The following ANXA1 variants were observed in gnomAD, a reference collection of about 807,000 sequenced individuals.
ANXA1 encodes annexin A1.
A neutral mutation model predicts 47.9 loss-of-function variants in ANXA1; 39 were observed. The observed-to-expected ratio is 0.81, with a 90% confidence interval of 0.63 to 1.06. The LOEUF is 1.06. ANXA1 is among the 50% of genes least tolerant of loss of function. ANXA1 has a pLI of 0.00. For missense variants in ANXA1, 446 were observed against 422.7 expected, an observed-to-expected ratio of 1.06 and a Z score of -0.48; for synonymous variants, 146 against 142.5, an observed-to-expected ratio of 1.02 and a Z score of -0.17.
Position 73,160,340 on chromosome 9 carries a change from G to A in ANXA1, c.348G>A (p.Ala116=), listed in dbSNP as rs774051268. 13 of 1,585,126 alleles carry A rather than the reference G, an allele frequency of 8.2e-6. No individual in the cohort carries two copies. Among genetic ancestry groups the A allele is most frequent in the African/African-American group, 1.4e-5 (1 of 72,722 alleles). ...TTTTAGCTCTGCTAAAAACTCCAGC[G>A]CAATTTGATGCTGATGAACTTCGTG... ...EVVLALLKTP[A]QFDADELRAA... Residue 116 remains alanine (A), a synonymous_variant, in exon 5 of 13, where the codon GCG becomes GCA. Coordinates refer to ENST00000257497, the MANE Select transcript of ANXA1 (RefSeq NM_000700.3).
intron 8 of ANXA1, among the ~76,000 whole-genome samples, chr9:73,164,064 A>G (rs1824187794): frequency 6.6e-6 from 1 of 152,158 alleles, no homozygotes; most frequent in Admixed American, 6.6e-5. Flanking sequence ...TATATGCCAA[A>G]CCACTGGCAA....
intron 1 of ANXA1, among the ~76,000 whole-genome samples, chr9:73,157,491 T>C (rs1393941307): frequency 6.6e-6 from 1 of 151,532 alleles, no homozygotes; most frequent in African/African-American, 2.4e-5. Flanking sequence ...CTGTCTCTAC[T>C]AAAAATACAA....
chr9:73,166,233 T>C (rs1419107979), intron 10 of ANXA1, 41 bp downstream of exon 10: 1 of 1,448,966 alleles, frequency 6.9e-7, no homozygotes, highest in Admixed American at 1.9e-5. Flanking sequence ...TAACTAGAAA[T>C]TGTATTTTCA....
intron 1 of ANXA1, chr9:73,158,237 G>A (rs1824079626): frequency 5.9e-6 from 2 of 337,752 alleles, no homozygotes; most frequent in Non-Finnish European, 1.1e-5. Flanking sequence ...TCTTCAGCCT[G>A]TGTGCTTACT....
chr9:73,158,409 G>A, intron 1 of ANXA1, 113 bp from the exon 2 acceptor site: 1 of 776,040 alleles, frequency 1.3e-6, no homozygotes, highest in Non-Finnish European at 2.1e-6. Context: ...ATCCTGGAAA[G>A]TAAGCGCAAG....
intron 7 of ANXA1, 107 bp downstream of exon 7, chr9:73,162,968 G>A: frequency 1.1e-6 from 1 of 929,460 alleles, no homozygotes; most frequent in Non-Finnish European, 1.6e-6. Context: ...AATTTTTAAA[G>A]ATAAAAAGGT....
chr9:73,163,327 G>A (rs41277891), intron 7 of ANXA1, 149 bp from the exon 8 acceptor site: 654 of 720,426 alleles, frequency 9.1e-4, no homozygotes, highest in Non-Finnish European at 1.3e-3. Context: ...ACCATCGCAA[G>A]TAAAATCTTG....
At chr9:73,160,215 T>C in intron 4 of ANXA1, 48 bp from the exon 5 acceptor site, 1 of 1,348,634 alleles carries the variant, frequency 7.4e-7, no homozygotes, top group Non-Finnish European at 1.0e-6. Flanking sequence ...TTTTTTAACC[T>C]AGCATGTTAC....
intron 1 of ANXA1, among the ~76,000 whole-genome samples, chr9:73,156,121 TAATA>T (rs1554673366): frequency 1.4e-5 from 2 of 140,114 alleles, no homozygotes; most frequent in South Asian, 2.1e-4. Flanking sequence ...ATAATAATAA[TAATA>T]AATAAATAAT....
At chr9:73,158,398 G>C in intron 1 of ANXA1, 124 bp from the exon 2 acceptor site, 1 of 708,872 alleles carries the variant, frequency 1.4e-6, no homozygotes, top group South Asian at 1.8e-5. Flanking sequence ...AAGTGTAATT[G>C]ATCCTGGAAA....
intron 1 of ANXA1, among the ~76,000 whole-genome samples, chr9:73,154,924 G>A (rs950318191): frequency 6.6e-6 from 1 of 152,172 alleles, no homozygotes; most frequent in Non-Finnish European, 1.5e-5. Flanking sequence ...AACTCTGATA[G>A]TTCTAGATTG....
intron 1 of ANXA1, among the ~76,000 whole-genome samples, chr9:73,156,166 TA>T (rs1356462327): frequency 2.1e-5 from 3 of 140,102 alleles, no homozygotes; most frequent in Non-Finnish European, 3.0e-5. Context: ...AATAAATAAA[TA>T]AATAAAATAA....
intron 1 of ANXA1, among the ~76,000 whole-genome samples, chr9:73,152,284 G>T (rs181806811): frequency 6.6e-6 from 1 of 152,112 alleles, no homozygotes. Flanking sequence ...CTTCCCAAGA[G>T]CTGTGTGTTT....
intron 1 of ANXA1, 37 bp downstream of exon 1, chr9:73,151,961 T>C (rs1225027855): frequency 6.6e-6 from 1 of 152,198 alleles, no homozygotes; most frequent in Non-Finnish European, 1.5e-5. Flanking sequence ...GTTTTGGTTG[T>C]TTTGAAAACT....
chr9:73,169,192 A>C, intron 12 of ANXA1, 38 bp downstream of exon 12: 2 of 1,557,594 alleles, frequency 1.3e-6, no homozygotes, highest in Non-Finnish European at 8.6e-7. Flanking sequence ...CCAACAAATG[A>C]AAGTTCTTTT....
intron 1 of ANXA1, chr9:73,158,317 G>A (rs1824081198): frequency 2.0e-6 from 1 of 499,368 alleles, no homozygotes; most frequent in African/African-American, 1.9e-5. Context: ...TCAGAGAGGA[G>A]GGTATGGTTT....
chr9:73,155,654 A>G (rs1301199025), intron 1 of ANXA1, among the ~76,000 whole-genome samples: 1 of 152,110 alleles, frequency 6.6e-6, no homozygotes, highest in Non-Finnish European at 1.5e-5. Flanking sequence ...ATCTTTGCTA[A>G]GAGCTGGTGG....
rs571324236 is a variant in ANXA1, at chr9:73,166,205, G to T, written c.802+13G>T. ...CTCACAGCTATCGGTATGTAGTCCA[G>T]CAGTTGAAAGAGTTTTCTAACTAGA... On this transcript the variant is annotated intron_variant, in intron 10 of 12. Coordinates refer to ENST00000257497, the MANE Select transcript of ANXA1 (RefSeq NM_000700.3). The T allele has an allele frequency of 5.7e-6, 9 of 1,579,876 alleles. No homozygotes were observed. In the African/African-American group the frequency reaches 9.5e-5, roughly 17 times the overall value.
rs868517148 is a variant in ANXA1, at chr9:73,158,584, G to A, written c.49G>A (p.Glu17Lys). 2 of 1,613,580 alleles carry A rather than the reference G, an allele frequency of 1.2e-6. No homozygotes were observed. Among genetic ancestry groups the A allele is most frequent in the Non-Finnish European group, 8.5e-7 (1 of 1,179,802 alleles). The change falls in exon 2 of 13, where the codon GAA becomes AAA. Residue 17 changes from glutamate to lysine, a missense_variant. Coordinates refer to ENST00000257497, the MANE Select transcript of ANXA1 (RefSeq NM_000700.3). ...FLKQAWFIEN[E>K]EQEYVQTVKS... ...CAAGCAGGCCTGGTTTATTGAAAAT[G>A]AAGAGCAGGAATATGTTGTAAGTAG...
Sources: allele counts gnomAD v4.1 joint callset (sites outside exome capture counted in the v4.1 genomes callset), GRCh38; gene constraint gnomAD v4.1.1; transcripts MANE v1.5; gene names NCBI Gene and HGNC (gene_info 2026-07-23, HGNC 2026-07-21).